Variants in PELI2 observed in about 807,000 individuals in gnomAD.
PELI2 encodes E3 ubiquitin-protein ligase pellino homolog 2.
A neutral mutation model predicts 42.3 loss-of-function variants in PELI2; 23 were observed. The ratio of observed to expected loss-of-function variants is 0.54; its 90% CI spans 0.39 to 0.77. The LOEUF is 0.77. PELI2 is among the 30% of genes least tolerant of loss of function. The probability of loss-of-function intolerance (pLI) is 0.00; values close to 1 mark genes in which losing one functional copy is unlikely to be tolerated. For synonymous variants in PELI2, 245 were observed against 212.2 expected (o/e 1.15, Z -1.34); for missense variants, 463 against 553.2 (o/e 0.84, Z 1.64).
intron 2 of PELI2, among the ~76,000 whole-genome samples, chr14:56,253,308 T>G (rs2139819136): frequency 6.6e-6 from 1 of 152,320 alleles, no homozygotes; most frequent in East Asian, 1.9e-4. Context: ...CGATGACTTC[T>G]CTCACCAGTC....
At chr14:56,200,603 A>T (rs2139705842) in intron 2 of PELI2, among the ~76,000 whole-genome samples, 1 of 152,372 alleles carries the variant, frequency 6.6e-6, no homozygotes, top group East Asian at 1.9e-4. Flanking sequence ...ACCACCATTC[A>T]GCCAAAAATA....
In PELI2 at chr14:56,193,052, T is replaced by G. The variant is rs73290647; in HGVS notation, c.207+14588T>G. On this transcript the variant is annotated intron_variant, in intron 2 of 5. Coordinates refer to ENST00000267460, the MANE Select transcript of PELI2 (RefSeq NM_021255.3). ...GACAAGTTCCTTTGCCTTCAGTAAC[T>G]CTGTGCTGCTTAGCAGAAACCATTG... Among the ~76,000 whole-genome samples the G allele has an allele frequency of 6.1e-3, 935 of 152,340 alleles. 11 individuals are homozygous for G. Among genetic ancestry groups the G allele is most frequent in the African/African-American group, 0.022 (895 of 41,580 alleles).
At chr14:56,174,042 C>A (rs143325784) in intron 1 of PELI2, among the ~76,000 whole-genome samples, 4 of 152,152 alleles carry the variant, frequency 2.6e-5, no homozygotes, top group Non-Finnish European at 2.9e-5. Context: ...GCTGGGATTA[C>A]AGGCATGTGC....
chr14:56,249,594 C>A (rs529839119), intron 2 of PELI2, among the ~76,000 whole-genome samples: 1 of 152,124 alleles, frequency 6.6e-6, no homozygotes, highest in Non-Finnish European at 1.5e-5. Flanking sequence ...TCTTTGTAAC[C>A]CCAGTACTGA....
chr14:56,221,162 C>G (rs1015178252), intron 2 of PELI2, among the ~76,000 whole-genome samples: 1 of 152,166 alleles, frequency 6.6e-6, no homozygotes, highest in Non-Finnish European at 1.5e-5. Context: ...AGAACAAACA[C>G]TTTGTGAGGC....
intron 1 of PELI2, among the ~76,000 whole-genome samples, chr14:56,163,344 G>A (rs557664770): frequency 5.3e-5 from 8 of 152,108 alleles, no homozygotes; most frequent in South Asian, 2.1e-4. Context: ...TTTTCCCAGC[G>A]TATGTTCTTA....
intron 2 of PELI2, among the ~76,000 whole-genome samples, chr14:56,235,391 A>G (rs1199769425): frequency 3.3e-5 from 5 of 152,258 alleles, no homozygotes; most frequent in Admixed American, 2.6e-4. Context: ...TAAAGGGAAC[A>G]TGGAGAAACT....
rs1285734158 is a variant in PELI2 at position 56,299,260 on chromosome 14, G to T, written c.*2094G>T. The T allele has an allele frequency of 6.6e-6, 1 of 152,160 alleles. No homozygotes were observed. The highest frequency in any genetic ancestry group is 1.5e-5 in the Non-Finnish European group (1 of 68,030). The allele number at this position is 152,160 out of a possible 1,614,324, so 9.4% of individuals were successfully genotyped here. A position where few individuals can be genotyped will look rare whatever the true frequency, so the allele number is the denominator to read the frequency against. On this transcript the variant is annotated 3_prime_UTR_variant, in exon 6 of 6. Coordinates refer to ENST00000267460, the MANE Select transcript of PELI2 (RefSeq NM_021255.3). ...GGTATATCATAATTTTCCATTTCAA[G>T]TCCTGTTTATAAGTCTAGTCATTCT...
intron 1 of PELI2, among the ~76,000 whole-genome samples, chr14:56,158,466 C>T (rs143511476): frequency 0.021 from 3,267 of 152,048 alleles, 107 homozygotes; most frequent in African/African-American, 0.074. Context: ...CTCAGCCTCC[C>T]GAGTAACTGG....
chr14:56,158,698 TATAAACAGATTTAA>T (rs1884654046), intron 1 of PELI2, among the ~76,000 whole-genome samples: 1 of 152,196 alleles, frequency 6.6e-6, no homozygotes, highest in Non-Finnish European at 1.5e-5. Flanking sequence ...AGAAGTTGTA[TATAAACAGATTTAA>T]AAGAGTCAGT....
chr14:56,253,559 GACAA>G (rs1374545592), intron 2 of PELI2, among the ~76,000 whole-genome samples: 1 of 152,262 alleles, frequency 6.6e-6, no homozygotes, highest in East Asian at 1.9e-4. Flanking sequence ...ACCAATAACA[GACAA>G]ACAGAGAGCC....
At chr14:56,155,500 A>G (rs2139629876) in intron 1 of PELI2, among the ~76,000 whole-genome samples, 1 of 151,768 alleles carries the variant, frequency 6.6e-6, no homozygotes, top group South Asian at 2.1e-4. Context: ...TTCATCATAC[A>G]TTACTTTTAA....
rs1404752644 is a variant in PELI2 at position 56,275,090 on chromosome 14, ATT to A, written c.208-4585_208-4584del. The stretch of plus-strand genomic sequence containing the variant: ...CGTTCATTCATTCATTCATTCATTC[ATT>A]CGTTTGACATTCATTGAATGCCTGC... On this transcript the variant is annotated intron_variant, in intron 2 of 5. Coordinates refer to ENST00000267460, the MANE Select transcript of PELI2 (RefSeq NM_021255.3). Among the ~76,000 whole-genome samples, 925 of 131,740 alleles carry A rather than the reference ATT, an allele frequency of 7.0e-3. 7 individuals carry two copies. Among genetic ancestry groups the A allele is most frequent in the African/African-American group, 0.025 (881 of 35,102 alleles). The allele number at this position is 131,740 out of a possible 152,430, so 86.4% of individuals were successfully genotyped here.
intron 2 of PELI2, among the ~76,000 whole-genome samples, chr14:56,240,240 G>A (rs1887925355): frequency 6.6e-6 from 1 of 152,174 alleles, no homozygotes; most frequent in Non-Finnish European, 1.5e-5. Flanking sequence ...GAGGGCAGGA[G>A]ACCTGTTAGG....
chr14:56,188,475 T>G (rs1448426395), intron 2 of PELI2, among the ~76,000 whole-genome samples: 1 of 152,198 alleles, frequency 6.6e-6, no homozygotes, highest in African/African-American at 2.4e-5. Flanking sequence ...GACATTTCCC[T>G]GTATCATAAA....
chr14:56,239,103 A>AC (rs1206460567), intron 2 of PELI2, among the ~76,000 whole-genome samples: 1 of 152,232 alleles, frequency 6.6e-6, no homozygotes, highest in Non-Finnish European at 1.5e-5. Context: ...GTGTTAGTGA[A>AC]CTGGAGATCT....
intron 1 of PELI2, among the ~76,000 whole-genome samples, chr14:56,139,662 A>G (rs750407022): frequency 4.6e-5 from 7 of 151,888 alleles, no homozygotes; most frequent in South Asian, 4.2e-4. Flanking sequence ...CACCACACAC[A>G]CCTTTTTCTG....
intron 3 of PELI2, among the ~76,000 whole-genome samples, chr14:56,287,529 ATG>A (rs1889684370): frequency 6.6e-6 from 1 of 152,208 alleles, no homozygotes; most frequent in Non-Finnish European, 1.5e-5. Context: ...TTAACAAGTT[ATG>A]TGTTTTCAAA....
intron 2 of PELI2, among the ~76,000 whole-genome samples, chr14:56,277,992 C>G (rs1221134556): frequency 6.6e-6 from 1 of 152,088 alleles, no homozygotes; most frequent in African/African-American, 2.4e-5. Context: ...TCGTTAACTC[C>G]TTGTTTTGCA....
Sources: gnomAD v4.1 joint callset for allele counts (sites outside exome capture counted in the v4.1 genomes callset) on GRCh38, gnomAD v4.1.1 for gene constraint, MANE v1.5 for transcripts, NCBI Gene and HGNC (gene_info 2026-07-23, HGNC 2026-07-21) for gene names.